The following DHTKD1 variants were observed in gnomAD, a reference collection of about 807,000 sequenced individuals.
DHTKD1 encodes 2-oxoadipate dehydrogenase complex component E1.
Under a neutral mutation model 101.8 loss-of-function variants are expected in DHTKD1, and 78 were observed. The observed-to-expected ratio is 0.77, with a 90% confidence interval of 0.64 to 0.93. DHTKD1 has a LOEUF of 0.93. Among genes scored for constraint, DHTKD1 ranks in the 40% least tolerant of loss-of-function variants. The pLI, the probability that DHTKD1 is intolerant of heterozygous loss-of-function variation, is 0.00. For synonymous variants in DHTKD1, 462 were observed against 450.3 expected (o/e 1.03, Z -0.33); for missense variants, 1,223 against 1,161.7 (o/e 1.05, Z -0.77).
chr10:12,098,303 G>T (rs1833105171), intron 8 of DHTKD1, among the ~76,000 whole-genome samples: 1 of 152,106 alleles, frequency 6.6e-6, no homozygotes, highest in Non-Finnish European at 1.5e-5. Flanking sequence ...TTTCCAACCA[G>T]TGAGTAGAAA....
chr10:12,080,719 AAAAAG>A (rs907180509), intron 1 of DHTKD1, among the ~76,000 whole-genome samples: 17 of 151,942 alleles, frequency 1.1e-4, no homozygotes, highest in African/African-American at 3.1e-4. Context: ...TGAAAAAAAA[AAAAAG>A]AAAAGAAGAA....
At chr10:12,096,438 T>G (rs937235875) in intron 7 of DHTKD1, among the ~76,000 whole-genome samples, 2 of 152,168 alleles carry the variant, frequency 1.3e-5, no homozygotes, top group African/African-American at 4.8e-5. Flanking sequence ...CAGGCTGTAG[T>G]GCAGTGGTAT....
chr10:12,117,692 A>C lies in DHTKD1; in HGVS notation c.2339A>C (p.Gln780Pro), dbSNP rs1833442453. ...LRLPAAVSTL[Q>P]EMAPGTTFNP... The stretch of plus-strand genomic sequence containing the variant: ...TCGTAGGCAGCCGTGTCAACTCTTC[A>C]AGAAATGGCACCAGGAACAACATTT... The change falls in exon 14 of 17, where the codon CAA becomes CCA. Residue 780 changes from glutamine to proline, a missense_variant. Coordinates refer to ENST00000263035, the MANE Select transcript of DHTKD1 (RefSeq NM_018706.7). The C allele has an allele frequency of 6.2e-7, 1 of 1,606,212 alleles. No individual in the cohort carries two copies. Among genetic ancestry groups the C allele is most frequent in the Non-Finnish European group, 8.5e-7 (1 of 1,175,432 alleles).
At chr10:12,074,162 A>T (rs1236042511) in intron 1 of DHTKD1, among the ~76,000 whole-genome samples, 1 of 147,070 alleles carries the variant, frequency 6.8e-6, no homozygotes, top group Non-Finnish European at 1.5e-5. Flanking sequence ...GCAGTAATAG[A>T]AAGTTTTGCT....
chr10:12,107,008 G>A lies in DHTKD1; in HGVS notation c.2047+612G>A, dbSNP rs577996127. On this transcript the variant is annotated intron_variant, in intron 11 of 16. Transcript: ENST00000263035. The surrounding 1 kb of genome is among the most constrained non-coding windows in gnomAD (Gnocchi z 4.1). ...TTTTCTTTTTTTTTTTTTTTGAGAC[G>A]GAGTCTCGCTCTGTCACCCAGGCTG... Among the ~76,000 whole-genome samples, 10 of 148,380 alleles carry A rather than the reference G, an allele frequency of 6.7e-5. No individual in the cohort carries two copies. Among genetic ancestry groups the A allele is most frequent in the African/African-American group, 1.5e-4 (6 of 40,324 alleles).
At chr10:12,104,042 A>C (rs1057445272) in intron 10 of DHTKD1, among the ~76,000 whole-genome samples, 6 of 151,980 alleles carry the variant, frequency 3.9e-5, no homozygotes, top group Non-Finnish European at 7.4e-5. Context: ...CCACTCATCG[A>C]CTGTTTGTTT....
At chr10:12,113,459 A>G (rs1833368188) in intron 13 of DHTKD1, among the ~76,000 whole-genome samples, 1 of 152,118 alleles carries the variant, frequency 6.6e-6, no homozygotes, top group Non-Finnish European at 1.5e-5. Flanking sequence ...CGGCCTCCCA[A>G]AGTGCTGGGA....
At chr10:12,092,994 C>T (rs1019231681) in intron 6 of DHTKD1, among the ~76,000 whole-genome samples, 1 of 151,828 alleles carries the variant, frequency 6.6e-6, no homozygotes, top group Non-Finnish European at 1.5e-5. Context: ...CCTCCCTCCT[C>T]AGCCTCCTTA....
rs540552818 is a variant in DHTKD1 at position 12,118,866 on chromosome 10, C to A, written c.2520C>A (p.Pro840=). 2 of 1,606,910 alleles carry A rather than the reference C, an allele frequency of 1.2e-6. No individual in the cohort carries two copies. The change falls in exon 15 of 17, where the codon CCC becomes CCA. Residue 840 remains proline (P), a synonymous_variant. Transcript: ENST00000263035. The part of the protein sequence containing the change: ...FAIIRVEELC[P]FPLDSLQQEM... ...TCATCCGAGTAGAGGAACTCTGCCC[C>A]TTCCCGTTGGATTCTTTACAGCAAG...
rs563286884 is a variant in DHTKD1 at position 12,106,715 on chromosome 10, T to G, written c.2047+319T>G. ...AGCAGTACCTGCTCACCGTAAAAATTAGAAGTAATTGAAGTAAACGTCTAA... is the reference window on the plus strand; with the variant it reads ...AGCAGTACCTGCTCACCGTAAAAATGAGAAGTAATTGAAGTAAACGTCTAA... On this transcript the variant is annotated intron_variant, in intron 11 of 16. Coordinates refer to ENST00000263035, the MANE Select transcript of DHTKD1 (RefSeq NM_018706.7). Among the ~76,000 whole-genome samples, 10 of 152,286 alleles carry G rather than the reference T, an allele frequency of 6.6e-5. No individual in the cohort carries two copies. In the East Asian group the frequency reaches 1.9e-3, roughly 29 times the overall value.
At chr10:12,090,436 C>CTTCCTTCTTT (rs1564391831) in intron 5 of DHTKD1, among the ~76,000 whole-genome samples, 6,924 of 103,350 alleles carry the variant, frequency 0.067, 316 homozygotes, top group Non-Finnish European at 0.093. Context: ...TTTTTCCTTC[C>CTTCCTTCTTT]TTCCTTCCTT....
chr10:12,106,578 C>G (rs972856746), intron 11 of DHTKD1, among the ~76,000 whole-genome samples, 182 bp downstream of exon 11: 2 of 152,174 alleles, frequency 1.3e-5, no homozygotes, highest in African/African-American at 4.8e-5. Flanking sequence ...TAATGTGTTA[C>G]TGGGACAAAA....
intron 4 of DHTKD1, 96 bp from the exon 5 acceptor site, chr10:12,088,890 T>C: frequency 8.4e-7 from 1 of 1,196,294 alleles, no homozygotes; most frequent in Non-Finnish European, 1.2e-6. Context: ...TGGCTTTAAA[T>C]TTTCTTTTTT....
In DHTKD1 at chr10:12,097,778, T is replaced by A; in HGVS notation, c.1453T>A (p.Tyr485Asn). The change falls in exon 8 of 17, where the codon TAT (tyrosine) becomes AAT (asparagine). Residue 485 changes from tyrosine (Y) to asparagine (N), a missense_variant. Physicochemically the swap from Tyr to Asn is moderately radical, Grantham distance 143. Coordinates refer to ENST00000263035, the MANE Select transcript of DHTKD1 (RefSeq NM_018706.7). Reference protein sequence around the residue: ...EEVSEIKSSYYAKLNDHLNNM... With the variant: ...EEVSEIKSSYNAKLNDHLNNM... ...GGTGTCTGAAATAAAATCCTCCTAC[T>A]ATGCCAAGTTGAATGATCACTTAAA... is the stretch of plus-strand genomic sequence containing the variant. 1 of 1,614,234 alleles carries A rather than the reference T, an allele frequency of 6.2e-7. No individual in the cohort carries two copies. The highest frequency in any genetic ancestry group is 2.2e-5 in the East Asian group (1 of 44,896).
rs34911594 is a variant in DHTKD1, at chr10:12,121,219, C to CA, written c.*350dup. On this transcript the variant is annotated 3_prime_UTR_variant, in exon 17 of 17. Coordinates refer to ENST00000263035, the MANE Select transcript of DHTKD1 (RefSeq NM_018706.7). ...TGGGTGACAGAGCAAGACTGCGTTT[C>CA]AAAAAAAAAAAAAAAAAAACCCATT... The CA allele has an allele frequency of 0.82, 98,472 of 119,394 alleles. 41,149 individuals are homozygous for CA. The highest frequency in any genetic ancestry group is 0.86 in the Non-Finnish European group (52,300 of 61,122). The allele number at this position is 119,394 out of a possible 1,614,324, so 7.4% of individuals were successfully genotyped here.
At chr10:12,091,482 C>T in intron 5 of DHTKD1, 31 bp from the exon 6 acceptor site, 1 of 1,448,144 alleles carries the variant, frequency 6.9e-7, no homozygotes. Flanking sequence ...TTTCTTTTCT[C>T]CCCACCCGCT....
At chr10:12,091,336 C>T (rs540498780) in intron 5 of DHTKD1, among the ~76,000 whole-genome samples, 177 bp from the exon 6 acceptor site, 28 of 133,842 alleles carry the variant, frequency 2.1e-4, no homozygotes, top group African/African-American at 6.3e-4. Context: ...CACTTGAACC[C>T]GGGAGGCAGA....
At chr10:12,082,094 TC>T (rs1832829331) in intron 2 of DHTKD1, among the ~76,000 whole-genome samples, 1 of 151,972 alleles carries the variant, frequency 6.6e-6, no homozygotes, top group Non-Finnish European at 1.5e-5. Context: ...GCCACTGCAC[TC>T]CAGCCTGGGC....
Position 12,104,871 on chromosome 10 carries a change from AT to A in DHTKD1, c.1897-1366del, listed in dbSNP as rs1337038349. Among the ~76,000 whole-genome samples, 9 of 144,946 alleles carry A rather than the reference AT, an allele frequency of 6.2e-5. No individual in the cohort carries two copies. The East Asian group carries it at 1.0e-3, about 17-fold the overall frequency. ...TGTATTTCTCAAACCAAGATCAACAATTTTTTTTTCTTTTTTTTTTTTAGGC... is the reference window on the plus strand; with the variant it reads ...TGTATTTCTCAAACCAAGATCAACAATTTTTTTTCTTTTTTTTTTTTAGGC... On this transcript the variant is annotated intron_variant, in intron 10 of 16. Transcript: ENST00000263035.
Sources: gnomAD v4.1 joint callset for allele counts (sites outside exome capture counted in the v4.1 genomes callset) on GRCh38, gnomAD v4.1.1 for gene constraint, Gnocchi (gnomAD v3.1) non-coding constraint, MANE v1.5 for transcripts, NCBI Gene and HGNC (gene_info 2026-07-23, HGNC 2026-07-21) for gene names.